WDR17: variants seen among roughly 807,000 people sequenced by gnomAD.
WDR17 encodes the protein WD repeat-containing protein 17.
A neutral mutation model predicts 161.7 loss-of-function variants in WDR17; 143 were observed. The ratio of observed to expected loss-of-function variants is 0.88; its 90% CI spans 0.77 to 1.02. The LOEUF (loss-of-function observed/expected upper bound fraction) is 1.02. Ranked by LOEUF, WDR17 falls within the 50% of genes least tolerant of loss-of-function variation. The pLI is 0.00. For synonymous variants in WDR17, 517 were observed against 515.6 expected, an observed-to-expected ratio of 1.00 and a Z score of -0.04; for missense variants, 1,469 against 1,520.9, an observed-to-expected ratio of 0.97 and a Z score of 0.57.
Position 176,151,429 on chromosome 4 carries a change from C to A in WDR17, c.2305-383C>A, listed in dbSNP as rs770222297. On this transcript the variant is annotated intron_variant, in intron 16 of 28. Coordinates refer to ENST00000508596, the MANE Select transcript of WDR17 (RefSeq NM_181265.4). The stretch of plus-strand genomic sequence containing the variant: ...CACCCCAAAATATTATGTTTAGAAA[C>A]GTATCACATTTTATAGAGAAAAATA... Among the ~76,000 whole-genome samples, 46 of 152,046 alleles carry A rather than the reference C, an allele frequency of 3.0e-4. 1 individual carries two copies. Among genetic ancestry groups the A allele is most frequent in the Non-Finnish European group, 1.0e-4 (7 of 67,998 alleles).
intron 9 of WDR17, 59 bp from the exon 10 acceptor site, chr4:176,139,833 T>C (rs1373952823): frequency 7.3e-7 from 1 of 1,360,662 alleles, no homozygotes; most frequent in Non-Finnish European, 1.0e-6. Flanking sequence ...GAAGTAAATA[T>C]ATAAGAGAAA....
chr4:176,130,545 C>T (rs555440245), intron 6 of WDR17, among the ~76,000 whole-genome samples: 68 of 151,968 alleles, frequency 4.5e-4, no homozygotes, highest in Non-Finnish European at 8.5e-4. Flanking sequence ...GAGATCGAGA[C>T]CATCCTGGCT....
intron 1 of WDR17, among the ~76,000 whole-genome samples, chr4:176,092,660 G>A (rs375298982): frequency 8.1e-4 from 124 of 152,202 alleles, no homozygotes; most frequent in East Asian, 5.2e-3. Context: ...AAAAAAAATA[G>A]AACTGATAAA....
intron 22 of WDR17, among the ~76,000 whole-genome samples, chr4:176,164,901 A>G (rs974729498): frequency 6.6e-6 from 1 of 152,148 alleles, no homozygotes; most frequent in African/African-American, 2.4e-5. Context: ...ATAATAGTCA[A>G]TTACCTAGGG....
Position 176,173,353 on chromosome 4 carries a change from T to C in WDR17, c.3331T>C (p.Leu1111=), listed in dbSNP as rs1751012132. Residue 1111 remains leucine (L), a synonymous_variant, in exon 25 of 29, where the codon TTG becomes CTG. Coordinates refer to ENST00000508596, the MANE Select transcript of WDR17 (RefSeq NM_181265.4). ...CTATATTCGTACTGAAAAATTACTC[T>C]TGCATACGTGTACTGAGTGAGTATT... ...LSYIRTEKLL[L]HTCTEARNEL... 1.9e-6 allele frequency: 3 copies of C among 1,611,064 alleles called. No individual in the cohort carries two copies. Among genetic ancestry groups the C allele is most frequent in the South Asian group, 1.1e-5 (1 of 90,788 alleles).
chr4:176,114,059 A>T (rs952991270), intron 2 of WDR17, among the ~76,000 whole-genome samples: 1 of 152,032 alleles, frequency 6.6e-6, no homozygotes, highest in African/African-American at 2.4e-5. Context: ...GTGGTCACTG[A>T]TATGCAGCAT....
intron 16 of WDR17, among the ~76,000 whole-genome samples, 181 bp downstream of exon 16, chr4:176,150,774 G>T (rs1746988150): frequency 6.6e-6 from 1 of 152,146 alleles, no homozygotes; most frequent in Non-Finnish European, 1.5e-5. Flanking sequence ...AACAGATTAA[G>T]TCAATCATGG....
chr4:176,082,783 T>G (rs922112710), intron 1 of WDR17, among the ~76,000 whole-genome samples: 14 of 151,700 alleles, frequency 9.2e-5, no homozygotes, highest in African/African-American at 3.4e-4. Context: ...TCATCTGCAT[T>G]TTACAAAATG....
chr4:176,171,772 G>T (rs2126881881), intron 23 of WDR17, among the ~76,000 whole-genome samples: 1 of 107,526 alleles, frequency 9.3e-6, no homozygotes, highest in African/African-American at 3.2e-5. Context: ...AACAGAAAAA[G>T]ATTTTTTTTT....
intron 5 of WDR17, among the ~76,000 whole-genome samples, chr4:176,126,362 G>GA (rs985133030): frequency 3.3e-5 from 5 of 152,108 alleles, no homozygotes; most frequent in Non-Finnish European, 7.4e-5. Context: ...AGAGACCTCT[G>GA]AAAGAACAGA....
intron 9 of WDR17, among the ~76,000 whole-genome samples, chr4:176,139,349 C>T (rs1333393711): frequency 6.6e-6 from 1 of 151,852 alleles, no homozygotes; most frequent in Non-Finnish European, 1.5e-5. Context: ...TCCCCTGGCC[C>T]TTCCTCAGTC....
chr4:176,177,366 A>G lies in WDR17; in HGVS notation c.3549-105A>G, dbSNP rs73871922. The G allele has an allele frequency of 4.0e-3, 4,641 of 1,167,250 alleles. 135 individuals carry two copies. The African/African-American group carries it at 0.06, about 15-fold the overall frequency. 72.3% of individuals were successfully genotyped at this position (1,167,250 alleles called of 1,614,324 possible). A position where few individuals can be genotyped will look rare whatever the true frequency, so the allele number is the denominator to read the frequency against. On this transcript the variant is annotated intron_variant, in intron 27 of 28. Coordinates refer to ENST00000508596, the MANE Select transcript of WDR17 (RefSeq NM_181265.4). ...ATTAAGTCTAAAGGGATTTGTCTCC[A>G]TCAATAAAGGGGAACTAAATAATCA...
chr4:176,128,673 T>C lies in WDR17; in HGVS notation c.791-65T>C, dbSNP rs1054117144. ...TCCAGTTGAAATTTTGTTATACTTT[T>C]ATGTCTAGGCATTTTAGTTTCATAC... is the stretch of plus-strand genomic sequence containing the variant. On this transcript the variant is annotated intron_variant, in intron 5 of 28. Transcript: ENST00000508596. 3.3e-6 allele frequency: 5 copies of C among 1,514,934 alleles called. No homozygotes were observed. In the African/African-American group the frequency reaches 7.1e-5, roughly 22 times the overall value. 93.8% of individuals were successfully genotyped at this position (1,514,934 alleles called of 1,614,324 possible). A position where few individuals can be genotyped will look rare whatever the true frequency, so the allele number is the denominator to read the frequency against.
intron 1 of WDR17, among the ~76,000 whole-genome samples, chr4:176,085,763 A>G (rs911377612): frequency 4.6e-5 from 7 of 151,942 alleles, no homozygotes; most frequent in African/African-American, 1.7e-4. Context: ...GATTTCCTCT[A>G]CTGAATGTTT....
chr4:176,074,593 A>G (rs1733716784), intron 1 of WDR17, among the ~76,000 whole-genome samples: 1 of 151,726 alleles, frequency 6.6e-6, no homozygotes. Context: ...AGTAGCTGCG[A>G]CTAGAGGTGC....
At chr4:176,087,618 A>G (rs1307293510) in intron 1 of WDR17, among the ~76,000 whole-genome samples, 1 of 151,888 alleles carries the variant, frequency 6.6e-6, no homozygotes, top group Non-Finnish European at 1.5e-5. Context: ...TACTACTCTT[A>G]CATACATGTT....
intron 1 of WDR17, among the ~76,000 whole-genome samples, chr4:176,078,559 A>T (rs1734345079): frequency 6.6e-6 from 1 of 152,128 alleles, no homozygotes; most frequent in Admixed American, 6.6e-5. Context: ...TCTATAGCAC[A>T]GATGACTCAG....
chr4:176,075,522 C>T (rs188025670), intron 1 of WDR17, among the ~76,000 whole-genome samples: 3 of 152,218 alleles, frequency 2.0e-5, no homozygotes, highest in Admixed American at 2.0e-4. Context: ...TTGCTTAATA[C>T]ATTTTAAAAA....
chr4:176,178,062 A>G (rs779686467), intron 28 of WDR17, among the ~76,000 whole-genome samples: 2 of 141,336 alleles, frequency 1.4e-5, no homozygotes, highest in Non-Finnish European at 3.0e-5. Flanking sequence ...TACACAGCTT[A>G]TTGAGCAGAT....
Sources: gnomAD v4.1 joint callset for allele counts (sites outside exome capture counted in the v4.1 genomes callset) on GRCh38, gnomAD v4.1.1 for gene constraint, MANE v1.5 for transcripts, NCBI Gene and HGNC (gene_info 2026-07-23, HGNC 2026-07-21) for gene names.